The following DDAH1 variants were observed in gnomAD, a reference collection of about 807,000 sequenced individuals.
DDAH1 encodes the protein N(G),N(G)-dimethylarginine dimethylaminohydrolase 1.
In DDAH1, 19 loss-of-function variants were observed where a neutral mutation model predicts 28.8. That is an observed-to-expected ratio of 0.66 (90% CI 0.46 to 0.97). The LOEUF (loss-of-function observed/expected upper bound fraction) is 0.97. Among genes scored for constraint, DDAH1 ranks in the 50% least tolerant of loss-of-function variants. The probability of loss-of-function intolerance (pLI) is 0.00; values close to 1 mark genes in which losing one functional copy is unlikely to be tolerated. For synonymous variants in DDAH1, 153 were observed against 154.4 expected (o/e 0.99, Z 0.07); for missense variants, 326 against 375.9 (o/e 0.87, Z 1.10).
chr1:85,320,276 T>C lies in DDAH1; in HGVS notation c.*1176A>G, dbSNP rs1661268532. On this transcript the variant is annotated 3_prime_UTR_variant, in exon 6 of 6. Coordinates refer to ENST00000284031, the MANE Select transcript of DDAH1 (RefSeq NM_012137.4). ...GGATCCCACAGTAAATATTCACGGA[T>C]ATTTCAAAGTAGAATTGTCCACTGT... is the stretch of plus-strand genomic sequence containing the variant. The C allele has an allele frequency of 6.6e-6, 1 of 152,652 alleles. No homozygotes were observed. Among genetic ancestry groups the C allele is most frequent in the East Asian group, 1.9e-4 (1 of 5,206 alleles). The allele number at this position is 152,652 out of a possible 1,614,324, so 9.5% of individuals were successfully genotyped here. A position where few individuals can be genotyped will look rare whatever the true frequency, so the allele number is the denominator to read the frequency against.
chr1:85,506,932 G>A (rs962264437), intron 1 of DDAH1, among the ~76,000 whole-genome samples: 2 of 152,174 alleles, frequency 1.3e-5, no homozygotes, highest in African/African-American at 2.4e-5. Context: ...GAGTGACCAC[G>A]GGGATAGAAA....
chr1:85,513,656 A>G (rs1476429729), intron 1 of DDAH1, among the ~76,000 whole-genome samples: 10 of 151,922 alleles, frequency 6.6e-5, no homozygotes, highest in African/African-American at 1.9e-4. Flanking sequence ...AATTTACAAG[A>G]AAAAAAACAA....
At chr1:85,345,860 A>G (rs779283193) in intron 4 of DDAH1, among the ~76,000 whole-genome samples, 24 of 152,206 alleles carry the variant, frequency 1.6e-4, no homozygotes, top group Non-Finnish European at 2.9e-4. Flanking sequence ...GTGAGACTCC[A>G]TCTTAAATGA....
intron 2 of DDAH1, among the ~76,000 whole-genome samples, chr1:85,490,516 T>C (rs1656357349): frequency 6.6e-6 from 1 of 152,194 alleles, no homozygotes; most frequent in Non-Finnish European, 1.5e-5. Context: ...TAAGCAAAGT[T>C]CATTCACTAT....
At chr1:85,362,724 T>C (rs1293922213) in intron 1 of DDAH1, among the ~76,000 whole-genome samples, 1 of 152,178 alleles carries the variant, frequency 6.6e-6, no homozygotes, top group Non-Finnish European at 1.5e-5. Flanking sequence ...AATAAGATAA[T>C]ACATGTAAAA....
intron 1 of DDAH1, among the ~76,000 whole-genome samples, chr1:85,573,278 T>C (rs550233739): frequency 3.9e-5 from 6 of 152,346 alleles, no homozygotes; most frequent in African/African-American, 1.2e-4. Context: ...GAGCAAATCC[T>C]TTCTAAATTC....
chr1:85,490,804 C>T (rs1656367686), intron 2 of DDAH1, among the ~76,000 whole-genome samples: 1 of 152,132 alleles, frequency 6.6e-6, no homozygotes, highest in South Asian at 2.1e-4. Context: ...TATGAGATAA[C>T]ACAAGTGGGG....
chr1:85,563,088 T>A (rs547246513), intron 1 of DDAH1, among the ~76,000 whole-genome samples: 3 of 152,220 alleles, frequency 2.0e-5, no homozygotes, highest in African/African-American at 7.2e-5. Context: ...GAAAAGAAGA[T>A]CTAAGCTGTA....
intron 1 of DDAH1, among the ~76,000 whole-genome samples, chr1:85,508,963 C>A (rs1657127128): frequency 1.3e-5 from 2 of 152,352 alleles, no homozygotes; most frequent in South Asian, 4.1e-4. Flanking sequence ...CTGAAGAGAG[C>A]AGTGGTGCTC....
At chr1:85,432,647 A>T (rs553257) in intron 1 of DDAH1, among the ~76,000 whole-genome samples, 3 of 152,058 alleles carry the variant, frequency 2.0e-5, no homozygotes, top group Non-Finnish European at 2.9e-5. Context: ...GATAATTAAG[A>T]ATATGAATTT....
intron 1 of DDAH1, among the ~76,000 whole-genome samples, chr1:85,366,497 C>T (rs1166799964): frequency 2.0e-5 from 3 of 151,996 alleles, no homozygotes; most frequent in Admixed American, 2.0e-4. Flanking sequence ...TATTAGTAAA[C>T]GGAGGGCACA....
At chr1:85,337,129 C>G (rs902480228) in intron 4 of DDAH1, among the ~76,000 whole-genome samples, 1 of 152,292 alleles carries the variant, frequency 6.6e-6, no homozygotes, top group East Asian at 1.9e-4. Context: ...GGTGTGTATT[C>G]TCTAACTCAG....
At chr1:85,336,189 C>T (rs1055046748) in intron 4 of DDAH1, among the ~76,000 whole-genome samples, 3 of 152,060 alleles carry the variant, frequency 2.0e-5, no homozygotes, top group African/African-American at 7.2e-5. Flanking sequence ...CCAATAGCTG[C>T]AGAATACACA....
At chr1:85,325,486 T>C (rs1647331283) in intron 4 of DDAH1, among the ~76,000 whole-genome samples, 2 of 152,102 alleles carry the variant, frequency 1.3e-5, no homozygotes, top group Admixed American at 6.5e-5. Context: ...GAAAATCATA[T>C]TCCCAGGCCT....
intron 1 of DDAH1, among the ~76,000 whole-genome samples, chr1:85,390,173 C>G (rs981431691): frequency 6.6e-6 from 1 of 152,224 alleles, no homozygotes; most frequent in Non-Finnish European, 1.5e-5. Context: ...CCCACCTCTT[C>G]TCTACCTTAT....
At position 85,344,316 on chromosome 1, in the gene DDAH1, AAATGT is replaced by A. The variant is rs576431021; in HGVS notation, c.597+6094_597+6098del. Among the ~76,000 whole-genome samples, 177 of 152,366 alleles carry A rather than the reference AAATGT, an allele frequency of 1.2e-3. No homozygotes were observed. The South Asian group carries it at 0.019, about 17-fold the overall frequency. ...ATAGCTGTATCCCATAAATATACAC[AAATGT>A]AATATATGAAAAAAATGAAAACAAA... On this transcript the variant is annotated intron_variant, in intron 4 of 5. Transcript: ENST00000284031.
At chr1:85,544,503 C>A (rs1012569867) in intron 1 of DDAH1, among the ~76,000 whole-genome samples, 4 of 152,178 alleles carry the variant, frequency 2.6e-5, no homozygotes, top group African/African-American at 9.7e-5. Flanking sequence ...GAATGCCTGC[C>A]AGTGAATGCC....
At chr1:85,398,278 T>G (rs1413689300) in intron 1 of DDAH1, among the ~76,000 whole-genome samples, 1 of 152,234 alleles carries the variant, frequency 6.6e-6, no homozygotes, top group Non-Finnish European at 1.5e-5. Context: ...CTTGCTGTAC[T>G]TATATACAAA....
intron 4 of DDAH1, among the ~76,000 whole-genome samples, chr1:85,327,286 C>T (rs1647464969): frequency 1.3e-5 from 2 of 152,210 alleles, no homozygotes; most frequent in African/African-American, 4.8e-5. Context: ...AGTGCCACTG[C>T]ACTCCAGCCT....
Sources: gnomAD v4.1 joint callset for allele counts (sites outside exome capture counted in the v4.1 genomes callset) on GRCh38, gnomAD v4.1.1 for gene constraint, MANE v1.5 for transcripts, NCBI Gene and HGNC (gene_info 2026-07-23, HGNC 2026-07-21) for gene names.